Variants in CNNM1 observed in about 807,000 individuals in gnomAD.
CNNM1 encodes cyclin and CBS domain divalent metal cation transport mediator 1, also known as metal transporter CNNM1.
A neutral mutation model predicts 78.8 loss-of-function variants in CNNM1; 44 were observed. The observed-to-expected ratio is 0.56, with a 90% CI of 0.44 to 0.72. The LOEUF (loss-of-function observed/expected upper bound fraction) is 0.72. Ranked by LOEUF, CNNM1 falls within the 30% of genes least tolerant of loss-of-function variation. CNNM1 has a pLI of 0.00. For synonymous variants in CNNM1, 584 were observed against 581.5 expected (o/e 1.00, Z -0.06); for missense variants, 1,101 against 1,292.2 (o/e 0.85, Z 2.27).
intron 1 of CNNM1, among the ~76,000 whole-genome samples, chr10:99,342,424 T>TGACA (rs2030495507): frequency 6.6e-6 from 1 of 152,230 alleles, no homozygotes; most frequent in Non-Finnish European, 1.5e-5. Flanking sequence ...GTGCTCTGGA[T>TGACA]GACACAGTTG....
rs779935584 is a variant in CNNM1 at position 99,330,964 on chromosome 10, AGC to A, written c.1573+5_1573+6del. ...GTTCTGGAGGAGTTTAAGAAGGGTG[AGC>A]AGTAGTCTATCTTCTCCCCCAACTC... On this transcript the variant is annotated splice_donor_5th_base_variant and intron_variant, in intron 1 of 10. Coordinates refer to ENST00000356713, the MANE Select transcript of CNNM1 (RefSeq NM_020348.3). The A allele has an allele frequency of 1.9e-6, 3 of 1,604,364 alleles. 1 individual carries two copies. Among genetic ancestry groups the A allele is most frequent in the Non-Finnish European group, 2.6e-6 (3 of 1,175,698 alleles).
Position 99,329,874 on chromosome 10 carries a change from C to A in CNNM1, c.487C>A (p.Arg163=). 2 of 1,396,802 alleles carry A rather than the reference C, an allele frequency of 1.4e-6. No homozygotes were observed. The highest frequency in any genetic ancestry group is 1.6e-5 in the South Asian group (1 of 61,384). The allele number at this position is 1,396,802 out of a possible 1,614,324, so 86.5% of individuals were successfully genotyped here. The change falls in exon 1 of 11, where the codon CGA becomes AGA. Residue 163 remains arginine, a synonymous_variant. Coordinates refer to ENST00000356713, the MANE Select transcript of CNNM1 (RefSeq NM_020348.3). ...GVAGSALVQV[R]VRELRKGEAE... ...GGCAGGCTCGGCCCTGGTCCAGGTG[C>A]GAGTGCGGGAGCTGCGCAAGGGCGA...
At chr10:99,381,435 A>G (rs1418637038) in intron 7 of CNNM1, among the ~76,000 whole-genome samples, 1 of 147,814 alleles carries the variant, frequency 6.8e-6, no homozygotes, top group African/African-American at 2.5e-5. Context: ...AGGAAAAAAA[A>G]GAGTGTTATT....
chr10:99,388,030 C>T lies in CNNM1; in HGVS notation c.2524+27C>T, dbSNP rs200698830. 1.0e-3 allele frequency: 1,578 copies of T among 1,577,486 alleles called. 4 individuals carry two copies. The highest frequency in any genetic ancestry group is 1.3e-3 in the Non-Finnish European group (1,471 of 1,161,292). ...TAAGTCAGCTGGGCAGACGGGCAGG[C>T]TGGGCTGGTGTGGGGTGAGGATGAC... On this transcript the variant is annotated intron_variant, in intron 8 of 10. Coordinates refer to ENST00000356713, the MANE Select transcript of CNNM1 (RefSeq NM_020348.3).
chr10:99,372,594 A>G (rs1351086005), intron 6 of CNNM1, among the ~76,000 whole-genome samples: 3 of 152,174 alleles, frequency 2.0e-5, no homozygotes, highest in Admixed American at 6.5e-5. Context: ...GGATATGCCA[A>G]GGGGAATTAC....
Position 99,330,675 on chromosome 10 carries a change from G to C in CNNM1, c.1288G>C (p.Glu430Gln), listed in dbSNP as rs938592039. The C allele has an allele frequency of 6.2e-7, 1 of 1,614,000 alleles. No homozygotes were observed. The highest frequency in any genetic ancestry group is 8.5e-7 in the Non-Finnish European group (1 of 1,179,884). The change falls in exon 1 of 11, where the codon GAG becomes CAG. Residue 430 changes from glutamate (E) to glutamine (Q), a missense_variant. Transcript: ENST00000356713. ...CCTGGAGCTGCGCACCAAAGTTGTG[G>C]AGGAGGTGCTGACCCCCCTGGGAGA... ...GALELRTKVVEEVLTPLGDCF... is the reference protein window; with the variant it reads ...GALELRTKVVQEVLTPLGDCF...
At chr10:99,356,428 A>G (rs2031148918) in intron 1 of CNNM1, among the ~76,000 whole-genome samples, 1 of 151,554 alleles carries the variant, frequency 6.6e-6, no homozygotes, top group Admixed American at 6.6e-5. Flanking sequence ...GTGAGCTGAG[A>G]TCACACCATT....
intron 7 of CNNM1, among the ~76,000 whole-genome samples, chr10:99,383,668 G>A (rs114834475): frequency 1.1e-3 from 160 of 152,326 alleles, no homozygotes; most frequent in African/African-American, 3.6e-3. Flanking sequence ...CCCTTAAACA[G>A]GTATGGAAGG....
rs149580563 is a variant in CNNM1 at position 99,359,091 on chromosome 10, A to G, written c.1717+1436A>G. Among the ~76,000 whole-genome samples the G allele has an allele frequency of 3.1e-3, 459 of 150,360 alleles. 2 individuals carry two copies. Among genetic ancestry groups the G allele is most frequent in the African/African-American group, 9.4e-3 (387 of 41,014 alleles). On this transcript the variant is annotated intron_variant, in intron 2 of 10. Transcript: ENST00000356713. ...AGCCATTCACACTAAGGTGTTAGGT[A>G]CTGATAATAGTCTAAATGAGTAAGC...
At chr10:99,387,701 G>A (rs2134083164) in intron 7 of CNNM1, 119 bp from the exon 8 acceptor site, 3 of 989,136 alleles carry the variant, frequency 3.0e-6, no homozygotes, top group South Asian at 3.7e-5. Context: ...TGGATCTCAG[G>A]CCTCAGAGGC....
intron 6 of CNNM1, among the ~76,000 whole-genome samples, chr10:99,370,779 G>A (rs2031774806): frequency 6.6e-6 from 1 of 152,140 alleles, no homozygotes; most frequent in Admixed American, 6.6e-5. Flanking sequence ...ATTGATTTCT[G>A]ATCCAGATAC....
chr10:99,366,780 C>A (rs547295840), intron 6 of CNNM1, among the ~76,000 whole-genome samples: 150 of 149,592 alleles, frequency 1.0e-3, no homozygotes, highest in Admixed American at 1.7e-3. Context: ...GATTCCATCT[C>A]AAAAAAAAAA....
rs775943402 is a variant in CNNM1, at chr10:99,329,605, G to A, written c.218G>A (p.Arg73His). ...RAAEGTSFLLRVYFQPGPPAT... is the reference protein window; with the variant it reads ...RAAEGTSFLLHVYFQPGPPAT... ...GCCGAAGGCACCAGCTTCCTCCTGC[G>A]TGTCTATTTCCAGCCAGGACCGCCG... The change falls in exon 1 of 11, where the codon CGT becomes CAT. Residue 73 changes from arginine (R) to histidine (H), a missense_variant. Arg to His is a conservative substitution (Grantham distance 29). Around this residue, in one of 3 missense-constraint regions of CNNM1, gnomAD observed 476 missense variants for 484.5 expected, o/e 0.98. Transcript: ENST00000356713. 1.3e-6 allele frequency: 2 copies of A among 1,515,382 alleles called. No homozygotes were observed. Among genetic ancestry groups the A allele is most frequent in the Non-Finnish European group, 1.8e-6 (2 of 1,140,964 alleles). The allele number at this position is 1,515,382 out of a possible 1,614,324, so 93.9% of individuals were successfully genotyped here.
intron 1 of CNNM1, among the ~76,000 whole-genome samples, chr10:99,349,201 A>G (rs949442630): frequency 6.6e-6 from 1 of 152,230 alleles, no homozygotes; most frequent in Non-Finnish European, 1.5e-5. Flanking sequence ...GATCAAAGAC[A>G]GGAGCAGAAG....
At chr10:99,361,089 A>G in intron 3 of CNNM1, 114 bp downstream of exon 3, 1 of 1,188,568 alleles carries the variant, frequency 8.4e-7, no homozygotes, top group South Asian at 1.7e-5. Context: ...CAGGACTGAG[A>G]AGCACTGTTC....
chr10:99,359,203 A>G (rs2031339838), intron 2 of CNNM1, among the ~76,000 whole-genome samples: 1 of 150,990 alleles, frequency 6.6e-6, no homozygotes, highest in Admixed American at 6.6e-5. Flanking sequence ...GAGAGGAATG[A>G]TTTCCTAATA....
At chr10:99,389,416 CAAAAA>C (rs56180037) in intron 9 of CNNM1, among the ~76,000 whole-genome samples, 18 of 84,020 alleles carry the variant, frequency 2.1e-4, no homozygotes, top group African/African-American at 1.4e-4. Context: ...GATTCCATCT[CAAAAA>C]AAAAAAAAAA....
chr10:99,394,301 T>C lies in CNNM1; in HGVS notation c.*2785T>C, dbSNP rs1232459462. On this transcript the variant is annotated 3_prime_UTR_variant, in exon 11 of 11. Transcript: ENST00000356713. ...AGGCTTAATAAATTGTAAATAATTTTTAAATAAAATGAAAATGCCTTTCCT... is the reference window on the plus strand; with the variant it reads ...AGGCTTAATAAATTGTAAATAATTTCTAAATAAAATGAAAATGCCTTTCCT... 1 of 152,232 alleles carries C rather than the reference T, an allele frequency of 6.6e-6. No homozygotes were observed. The highest frequency in any genetic ancestry group is 1.5e-5 in the Non-Finnish European group (1 of 68,030). The allele number at this position is 152,232 out of a possible 1,614,324, so 9.4% of individuals were successfully genotyped here.
intron 8 of CNNM1, 48 bp downstream of exon 8, chr10:99,388,051 A>T: frequency 6.3e-7 from 1 of 1,577,722 alleles, no homozygotes; most frequent in Non-Finnish European, 8.6e-7. Context: ...TGGGGTGAGG[A>T]TGACCCTGCC....
Sources: allele counts gnomAD v4.1 joint callset (sites outside exome capture counted in the v4.1 genomes callset), GRCh38; gene constraint gnomAD v4.1.1; regional missense constraint gnomAD v4.1.1; transcripts MANE v1.5; gene names NCBI Gene and HGNC (gene_info 2026-07-23, HGNC 2026-07-21).